The following MYO3B variants were observed in gnomAD, a reference collection of about 807,000 sequenced individuals.
MYO3B encodes the protein myosin IIIB, also known as myosin-IIIb.
Under a neutral mutation model 174.6 loss-of-function variants are expected in MYO3B, and 156 were observed. That is an observed-to-expected ratio of 0.89 (90% CI 0.78 to 1.02). MYO3B has a LOEUF of 1.02. Among genes scored for constraint, MYO3B ranks in the 50% least tolerant of loss-of-function variants. The pLI is 0.00. For missense variants in MYO3B, 1,632 were observed against 1,639.4 expected, an observed-to-expected ratio of 1.00 and a Z score of 0.08; for synonymous variants, 563 against 569.1, an observed-to-expected ratio of 0.99 and a Z score of 0.15.
intron 1 of MYO3B, among the ~76,000 whole-genome samples, chr2:170,183,920 G>T (rs11676483): frequency 0.32 from 48,206 of 151,752 alleles, 8,808 homozygotes; most frequent in East Asian, 0.56. Flanking sequence ...ATTCATTTTG[G>T]ATTTCCATTT....
chr2:170,462,068 C>T (rs1279803864), intron 23 of MYO3B, among the ~76,000 whole-genome samples: 1 of 152,200 alleles, frequency 6.6e-6, no homozygotes, highest in Non-Finnish European at 1.5e-5. Context: ...ATAACACGCT[C>T]TGCAGGTGGT....
chr2:170,367,999 G>A (rs1343570309), intron 8 of MYO3B, among the ~76,000 whole-genome samples: 1 of 152,210 alleles, frequency 6.6e-6, no homozygotes, highest in Admixed American at 6.5e-5. Flanking sequence ...GAGTAACTGG[G>A]AGATTTACCG....
chr2:170,234,286 A>T (rs946605972), intron 6 of MYO3B, among the ~76,000 whole-genome samples: 4 of 152,182 alleles, frequency 2.6e-5, no homozygotes, highest in Non-Finnish European at 5.9e-5. Context: ...AAAGAACAGA[A>T]ATTTATTTTC....
At chr2:170,300,095 A>G (rs1234596535) in intron 7 of MYO3B, among the ~76,000 whole-genome samples, 1 of 152,212 alleles carries the variant, frequency 6.6e-6, no homozygotes, top group Non-Finnish European at 1.5e-5. Context: ...TTCAGTGCCG[A>G]TAGGGCAGAC....
intron 30 of MYO3B, 73 bp from the exon 31 acceptor site, chr2:170,542,833 A>G: frequency 8.4e-7 from 1 of 1,190,026 alleles, no homozygotes. Flanking sequence ...CTTTGAAGAA[A>G]AACAGTCCTC....
At chr2:170,363,837 T>C (rs998697283) in intron 8 of MYO3B, among the ~76,000 whole-genome samples, 5 of 152,184 alleles carry the variant, frequency 3.3e-5, no homozygotes, top group Non-Finnish European at 4.4e-5. Context: ...AATAAATTGT[T>C]ATTCTGTTGT....
intron 7 of MYO3B, among the ~76,000 whole-genome samples, chr2:170,326,330 TA>T (rs1039104251): frequency 2.6e-5 from 4 of 152,188 alleles, no homozygotes; most frequent in African/African-American, 7.2e-5. Flanking sequence ...ATAATTTTTT[TA>T]AAAAAATTAT....
chr2:170,435,333 C>T (rs1487150288), intron 22 of MYO3B, among the ~76,000 whole-genome samples: 1 of 152,072 alleles, frequency 6.6e-6, no homozygotes, highest in Non-Finnish European at 1.5e-5. Flanking sequence ...AAGGGGAGGA[C>T]TTTGAAAGGA....
chr2:170,484,910 C>T (rs1382755193), intron 25 of MYO3B, among the ~76,000 whole-genome samples: 2 of 151,912 alleles, frequency 1.3e-5, no homozygotes, highest in Non-Finnish European at 2.9e-5. Flanking sequence ...ATCAGATTAT[C>T]CAAGCCAAAA....
chr2:170,610,355 T>A (rs73030768), intron 32 of MYO3B, among the ~76,000 whole-genome samples: 9,663 of 146,622 alleles, frequency 0.066, 1,011 homozygotes, highest in African/African-American at 0.22. Flanking sequence ...AAAAAAAAAA[T>A]TTTATTTCTA....
intron 7 of MYO3B, among the ~76,000 whole-genome samples, chr2:170,295,736 T>A (rs1302807798): frequency 5.9e-5 from 9 of 152,212 alleles, no homozygotes. Context: ...AGTCTTTGAG[T>A]AATCAACTCT....
intron 32 of MYO3B, among the ~76,000 whole-genome samples, chr2:170,573,753 T>C (rs931174807): frequency 6.6e-6 from 1 of 152,150 alleles, no homozygotes; most frequent in Non-Finnish European, 1.5e-5. Context: ...AAAAAGAGAC[T>C]TGTTAAAAGA....
chr2:170,539,658 T>A (rs1689956797), intron 30 of MYO3B, among the ~76,000 whole-genome samples: 1 of 151,926 alleles, frequency 6.6e-6, no homozygotes, highest in African/African-American at 2.4e-5. Flanking sequence ...TCACTCCGGC[T>A]GTCCAGGCTG....
Position 170,214,425 on chromosome 2 carries a change from G to A in MYO3B, c.368G>A (p.Arg123Lys). 2 of 1,614,178 alleles carry A rather than the reference G, an allele frequency of 1.2e-6. No individual in the cohort carries two copies. The highest frequency in any genetic ancestry group is 1.7e-6 in the Non-Finnish European group (2 of 1,180,014). ...ACTGAGCTTGTCAAAGGTCTACTCA[G>A]ATGTGGCCAGCGGTTGGATGAAGCA... ...SVTELVKGLLRCGQRLDEAMI... is the reference protein window; with the variant it reads ...SVTELVKGLLKCGQRLDEAMI... Residue 123 changes from arginine to lysine, a missense_variant, in exon 4 of 35, where the codon AGA becomes AAA. Transcript: ENST00000408978.
intron 32 of MYO3B, among the ~76,000 whole-genome samples, chr2:170,605,066 C>T (rs1414481220): frequency 2.6e-5 from 4 of 152,172 alleles, no homozygotes; most frequent in Non-Finnish European, 5.9e-5. Context: ...TTGGGTCCTA[C>T]CGCTCTCCTG....
chr2:170,405,764 A>G (rs543770683), intron 21 of MYO3B, 131 bp downstream of exon 21: 11 of 756,570 alleles, frequency 1.5e-5, no homozygotes, highest in African/African-American at 1.4e-4. Context: ...ATACCTAATC[A>G]TAATTCTTAA....
chr2:170,615,282 C>G (rs911439169), intron 32 of MYO3B, among the ~76,000 whole-genome samples: 1 of 152,174 alleles, frequency 6.6e-6, no homozygotes, highest in South Asian at 2.1e-4. Context: ...AAGCTGTAAA[C>G]AAAACAGGCA....
intron 7 of MYO3B, among the ~76,000 whole-genome samples, chr2:170,317,757 G>A (rs2093786203): frequency 1.3e-5 from 2 of 152,144 alleles, no homozygotes; most frequent in Admixed American, 1.3e-4. Flanking sequence ...AATTCTGTGG[G>A]AATTTATTCT....
intron 30 of MYO3B, among the ~76,000 whole-genome samples, chr2:170,528,192 A>C (rs1398598728): frequency 2.6e-5 from 4 of 152,204 alleles, no homozygotes; most frequent in Non-Finnish European, 5.9e-5. Flanking sequence ...TCCTAACTCA[A>C]AAATAAGCTC....
Sources: gnomAD v4.1 joint callset for allele counts (sites outside exome capture counted in the v4.1 genomes callset) on GRCh38, gnomAD v4.1.1 for gene constraint, MANE v1.5 for transcripts, NCBI Gene and HGNC (gene_info 2026-07-23, HGNC 2026-07-21) for gene names.